MACROD2: variants seen among roughly 807,000 people sequenced by gnomAD.
MACROD2 encodes the protein mono-ADP ribosylhydrolase 2, also known as ADP-ribose glycohydrolase MACROD2.
Under a neutral mutation model 70.4 loss-of-function variants are expected in MACROD2, and 36 were observed. That is an observed-to-expected ratio of 0.51 (90% CI 0.39 to 0.68). The LOEUF (loss-of-function observed/expected upper bound fraction) is 0.68. Ranked by LOEUF, MACROD2 falls within the 30% of genes least tolerant of loss-of-function variation. The pLI is 0.00. For synonymous variants in MACROD2, 172 were observed against 178.8 expected (o/e 0.96, Z 0.30); for missense variants, 496 against 538.4 (o/e 0.92, Z 0.78).
intron 3 of MACROD2, among the ~76,000 whole-genome samples, chr20:14,281,224 A>C (rs973153940): frequency 6.4e-4 from 97 of 152,324 alleles, no homozygotes; most frequent in African/African-American, 2.3e-3. Context: ...TATCCATACA[A>C]TGGAATTATT....
chr20:14,018,386 A>C (rs959843722), intron 2 of MACROD2, among the ~76,000 whole-genome samples: 1 of 151,496 alleles, frequency 6.6e-6, no homozygotes, highest in African/African-American at 2.4e-5. Flanking sequence ...AGATCTTCTT[A>C]TTTAATGTAT....
chr20:14,659,731 G>C (rs1204004222), intron 4 of MACROD2, among the ~76,000 whole-genome samples: 1 of 152,148 alleles, frequency 6.6e-6, no homozygotes, highest in Admixed American at 6.5e-5. Flanking sequence ...CCTTTTGGGA[G>C]TGTACTCATT....
intron 4 of MACROD2, among the ~76,000 whole-genome samples, chr20:14,681,848 G>A (rs540299995): frequency 6.6e-6 from 1 of 152,282 alleles, no homozygotes; most frequent in South Asian, 2.1e-4. Context: ...ATGGTTAAGA[G>A]CATGGTTGCA....
intron 3 of MACROD2, chr20:14,325,856 A>G: frequency 6.2e-7 from 1 of 1,613,938 alleles, no homozygotes; most frequent in Non-Finnish European, 8.5e-7. Flanking sequence ...CTATGAACAT[A>G]CCAACACACT....
At chr20:14,672,371 G>C (rs547384624) in intron 4 of MACROD2, among the ~76,000 whole-genome samples, 13 of 152,266 alleles carry the variant, frequency 8.5e-5, no homozygotes, top group African/African-American at 3.1e-4. Context: ...AATGTGAAAG[G>C]CCTCTTGAGA....
intron 8 of MACROD2, among the ~76,000 whole-genome samples, chr20:15,778,210 C>A (rs1467346764): frequency 6.6e-6 from 1 of 152,164 alleles, no homozygotes; most frequent in Admixed American, 6.5e-5. Context: ...CTAATTTAAT[C>A]TAATTCCAAT....
chr20:14,107,858 T>C (rs940685087), intron 3 of MACROD2, among the ~76,000 whole-genome samples: 1 of 152,124 alleles, frequency 6.6e-6, no homozygotes, highest in Non-Finnish European at 1.5e-5. Context: ...AACACCAGAA[T>C]TGACCTACAA....
At chr20:15,576,552 G>GTTTTTT (rs11473854) in intron 8 of MACROD2, among the ~76,000 whole-genome samples, 14 of 145,784 alleles carry the variant, frequency 9.6e-5, no homozygotes, top group Non-Finnish European at 1.0e-4. Context: ...TGCACAAAAT[G>GTTTTTT]TTTTTTTTTT....
intron 3 of MACROD2, among the ~76,000 whole-genome samples, chr20:14,262,834 C>T (rs775150622): frequency 3.3e-5 from 5 of 152,114 alleles, no homozygotes; most frequent in Non-Finnish European, 2.9e-5. Context: ...CAAGAGCAAT[C>T]TTTTTTGAGA....
chr20:15,722,893 T>G (rs1301984112), intron 8 of MACROD2, among the ~76,000 whole-genome samples: 2 of 152,200 alleles, frequency 1.3e-5, no homozygotes, highest in African/African-American at 4.8e-5. Flanking sequence ...CGACCTACTA[T>G]TGTCAAGGAT....
chr20:15,618,394 T>C (rs2049071894), intron 8 of MACROD2, among the ~76,000 whole-genome samples: 1 of 152,170 alleles, frequency 6.6e-6, no homozygotes, highest in Non-Finnish European at 1.5e-5. Flanking sequence ...CTGAACTAGA[T>C]CTCATCTCTA....
At chr20:15,132,106 A>T (rs1353480192) in intron 5 of MACROD2, among the ~76,000 whole-genome samples, 6 of 152,084 alleles carry the variant, frequency 3.9e-5, no homozygotes, top group Admixed American at 2.0e-4. Flanking sequence ...CCAAGCCAAG[A>T]AAAGGGCTAA....
intron 4 of MACROD2, among the ~76,000 whole-genome samples, chr20:14,640,544 G>C (rs1738206593): frequency 6.6e-6 from 1 of 152,026 alleles, no homozygotes; most frequent in Non-Finnish European, 1.5e-5. Flanking sequence ...CTGAGAAGTG[G>C]GGCCACTATC....
At chr20:14,702,652 C>CAT (rs530304393) in intron 5 of MACROD2, among the ~76,000 whole-genome samples, 1 of 59,552 alleles carries the variant, frequency 1.7e-5, no homozygotes, top group Non-Finnish European at 3.1e-5. Context: ...TATATATACA[C>CAT]ATATATATGT....
chr20:14,303,342 A>G (rs2122494578), intron 3 of MACROD2, among the ~76,000 whole-genome samples: 1 of 152,238 alleles, frequency 6.6e-6, no homozygotes, highest in Non-Finnish European at 1.5e-5. Flanking sequence ...GCAAGCATCC[A>G]CCACGCCCCA....
At chr20:15,729,361 G>A (rs952778708) in intron 8 of MACROD2, among the ~76,000 whole-genome samples, 1 of 152,270 alleles carries the variant, frequency 6.6e-6, no homozygotes, top group South Asian at 2.1e-4. Context: ...TGCATATTCT[G>A]TTCTTTTGGG....
intron 8 of MACROD2, among the ~76,000 whole-genome samples, chr20:15,507,419 CCTTCCTTCCTTT>C (rs1245373641): frequency 1.7e-4 from 25 of 148,534 alleles, no homozygotes; most frequent in African/African-American, 5.5e-4. Context: ...TTCTCTCTCT[CCTTCCTTCCTTT>C]CTTCCTTCCT....
At chr20:14,315,637 A>G (rs1847704040) in intron 3 of MACROD2, among the ~76,000 whole-genome samples, 1 of 152,252 alleles carries the variant, frequency 6.6e-6, no homozygotes, top group Admixed American at 6.5e-5. Flanking sequence ...ACTATGAGCT[A>G]GTAGTTAGCT....
chr20:15,973,733 G>T (rs1180574555), intron 13 of MACROD2, among the ~76,000 whole-genome samples: 1 of 152,106 alleles, frequency 6.6e-6, no homozygotes, highest in Admixed American at 6.6e-5. Context: ...TATAAAGTTA[G>T]AAAAATGTAT....
Sources: allele counts gnomAD v4.1 joint callset (sites outside exome capture counted in the v4.1 genomes callset), GRCh38; gene constraint gnomAD v4.1.1; transcripts MANE v1.5; gene names NCBI Gene and HGNC (gene_info 2026-07-23, HGNC 2026-07-21).